Variants in PAPPA2 observed in about 807,000 individuals in gnomAD.
PAPPA2 encodes pappalysin-2.
Under a neutral mutation model 176.4 loss-of-function variants are expected in PAPPA2, and 86 were observed. The ratio of observed to expected loss-of-function variants is 0.49; its 90% CI spans 0.41 to 0.58. The LOEUF is 0.58. Ranked by LOEUF, PAPPA2 falls within the 20% of genes least tolerant of loss-of-function variation. The probability of loss-of-function intolerance (pLI) is 0.00; values close to 1 mark genes in which losing one functional copy is unlikely to be tolerated. For missense variants in PAPPA2, 2,073 were observed against 2,256.9 expected, an observed-to-expected ratio of 0.92 and a Z score of 1.65; for synonymous variants, 809 against 852.2, an observed-to-expected ratio of 0.95 and a Z score of 0.88.
chr1:176,719,239 T>C (rs1414082283), intron 12 of PAPPA2, among the ~76,000 whole-genome samples: 1 of 152,188 alleles, frequency 6.6e-6, no homozygotes, highest in East Asian at 1.9e-4. Flanking sequence ...TTAAATGCTC[T>C]CTTATTTTTA....
intron 14 of PAPPA2, among the ~76,000 whole-genome samples, chr1:176,753,437 C>T (rs1663273768): frequency 6.6e-6 from 1 of 152,138 alleles, no homozygotes; most frequent in South Asian, 2.1e-4. Context: ...TCTTTTCCCT[C>T]CTCTTCCACC....
intron 3 of PAPPA2, among the ~76,000 whole-genome samples, chr1:176,630,222 G>T (rs1229743786): frequency 6.6e-6 from 1 of 152,174 alleles, no homozygotes; most frequent in African/African-American, 2.4e-5. Context: ...ACATCAGATA[G>T]GAAAGTGAAG....
rs1327480899 is a variant in PAPPA2, at chr1:176,595,409, A to G, written c.1805A>G (p.His602Arg). 3 of 1,614,012 alleles carry G rather than the reference A, an allele frequency of 1.9e-6. No homozygotes were observed. Among genetic ancestry groups the G allele is most frequent in the African/African-American group, 1.3e-5 (1 of 74,894 alleles). The change falls in exon 3 of 23, where the codon CAC becomes CGC. Residue 602 changes from histidine (H) to arginine (R), a missense_variant. This residue lies in a region of PAPPA2 where 1,196 missense variants were observed against 1,330.4 expected (regional missense o/e 0.90). Coordinates refer to ENST00000367662, the MANE Select transcript of PAPPA2 (RefSeq NM_020318.3). ...GACCATTGTGACCCCGAGTGTGAGC[A>G]CCCACTCACAGGCTATGATGGGGGT... ...GNDHCDPECE[H>R]PLTGYDGGDC...
intron 10 of PAPPA2, among the ~76,000 whole-genome samples, chr1:176,709,611 C>T (rs1021062580): frequency 1.3e-5 from 2 of 152,144 alleles, no homozygotes; most frequent in Non-Finnish European, 2.9e-5. Context: ...TTCCTTTCTT[C>T]TTTTACCTAC....
At chr1:176,659,550 G>A (rs1353135612) in intron 3 of PAPPA2, among the ~76,000 whole-genome samples, 1 of 152,042 alleles carries the variant, frequency 6.6e-6, no homozygotes, top group Non-Finnish European at 1.5e-5. Context: ...TTCAGGGTTA[G>A]GACTCCAACA....
intron 5 of PAPPA2, chr1:176,691,123 T>G: frequency 1.0e-6 from 1 of 985,304 alleles, no homozygotes; most frequent in Non-Finnish European, 1.2e-6. Context: ...CCTTCCTTGT[T>G]TCTTGTGAAA....
Position 176,592,098 on chromosome 1 carries a change from G to A in PAPPA2, c.920-2426G>A, listed in dbSNP as rs560313630. Among the ~76,000 whole-genome samples the A allele has an allele frequency of 2.0e-4, 31 of 152,330 alleles. No homozygotes were observed. In the South Asian group the frequency reaches 5.8e-3, roughly 28 times the overall value. ...CCACAACTAGAGTTGCTGGCATTGA[G>A]TTAGAGAATTCTATTTGCTAAGTAT... On this transcript the variant is annotated intron_variant, in intron 2 of 22. Transcript: ENST00000367662.
chr1:176,502,565 C>T (rs1648026935), intron 1 of PAPPA2, among the ~76,000 whole-genome samples: 1 of 152,148 alleles, frequency 6.6e-6, no homozygotes, highest in Non-Finnish European at 1.5e-5. Context: ...CAACTAGATA[C>T]TGCATCTGGT....
At chr1:176,512,414 C>T (rs1648660868) in intron 1 of PAPPA2, among the ~76,000 whole-genome samples, 1 of 152,154 alleles carries the variant, frequency 6.6e-6, no homozygotes, top group East Asian at 1.9e-4. Context: ...AAATGAACTA[C>T]TACTAACATA....
chr1:176,501,375 A>G (rs542046218), intron 1 of PAPPA2, among the ~76,000 whole-genome samples: 178 of 152,248 alleles, frequency 1.2e-3, no homozygotes, highest in African/African-American at 4.1e-3. Context: ...AAAATCTGTT[A>G]TTACTACAAA....
rs1353231181 is a variant in PAPPA2, at chr1:176,710,082, G to T, written c.3557G>T (p.Gly1186Val). ...IVDCGIYTPK[G>V]YLDQWATRAY... Reference sequence around the variant, plus strand: ...GACTGTGGCATCTACACTCCCAAAGGATACTTGGATCAATGGGCTACCCGG... The same window carrying T: ...GACTGTGGCATCTACACTCCCAAAGTATACTTGGATCAATGGGCTACCCGG... The change falls in exon 11 of 23, where the codon GGA (glycine) becomes GTA (valine). Residue 1186 changes from glycine (G) to valine (V), a missense_variant. Transcript: ENST00000367662. 1 of 1,613,798 alleles carries T rather than the reference G, an allele frequency of 6.2e-7. No individual in the cohort carries two copies. Among genetic ancestry groups the T allele is most frequent in the Non-Finnish European group, 8.5e-7 (1 of 1,179,768 alleles).
chr1:176,789,779 ATGAGCTATTTT>A lies in PAPPA2; in HGVS notation c.4716-27_4716-17del. The A allele has an allele frequency of 1.9e-6, 3 of 1,587,666 alleles. No homozygotes were observed. Among genetic ancestry groups the A allele is most frequent in the Non-Finnish European group, 2.6e-6 (3 of 1,166,118 alleles). On this transcript the variant is annotated intron_variant, in intron 17 of 22. Transcript: ENST00000367662. ...TTCATGACCTTCTTGAAAGATTCTG[ATGAGCTATTTT>A]TGTTTTATGTTTTATCAGCAAGCTC...
At chr1:176,479,704 T>G (rs1652300832) in intron 1 of PAPPA2, among the ~76,000 whole-genome samples, 1 of 152,210 alleles carries the variant, frequency 6.6e-6, no homozygotes, top group Non-Finnish European at 1.5e-5. Flanking sequence ...TCATCTACAA[T>G]ATTCAGTACT....
At chr1:176,522,534 A>G (rs1470862694) in intron 1 of PAPPA2, among the ~76,000 whole-genome samples, 1 of 152,230 alleles carries the variant, frequency 6.6e-6, no homozygotes, top group Non-Finnish European at 1.5e-5. Context: ...CCCCCAAGAG[A>G]CAATTACGAT....
intron 3 of PAPPA2, among the ~76,000 whole-genome samples, chr1:176,608,239 A>G (rs1050976963): frequency 2.0e-5 from 3 of 152,198 alleles, no homozygotes; most frequent in Non-Finnish European, 2.9e-5. Flanking sequence ...GATATTTGAT[A>G]TTACTGCTTG....
intron 3 of PAPPA2, among the ~76,000 whole-genome samples, chr1:176,608,969 G>A (rs967499954): frequency 4.6e-5 from 7 of 152,192 alleles, no homozygotes; most frequent in African/African-American, 1.4e-4. Context: ...GAAGCCTTAA[G>A]CCATTGAATA....
chr1:176,553,047 G>C (rs1651057656), intron 1 of PAPPA2, among the ~76,000 whole-genome samples: 1 of 152,038 alleles, frequency 6.6e-6, no homozygotes, highest in East Asian at 1.9e-4. Context: ...CTGGCATCGA[G>C]GGTGGGTGCT....
intron 1 of PAPPA2, among the ~76,000 whole-genome samples, chr1:176,496,667 C>T (rs7545056): frequency 0.08 from 12,154 of 152,146 alleles, 604 homozygotes; most frequent in South Asian, 0.16. Context: ...AGAGATGTCC[C>T]TTGTTGTGGT....
chr1:176,751,269 A>T (rs1663162289), intron 14 of PAPPA2, among the ~76,000 whole-genome samples: 1 of 152,012 alleles, frequency 6.6e-6, no homozygotes, highest in South Asian at 2.1e-4. Context: ...TGAAGTCAGG[A>T]CATAGGCGTG....
Sources: gnomAD v4.1 joint callset for allele counts (sites outside exome capture counted in the v4.1 genomes callset) on GRCh38, gnomAD v4.1.1 for gene constraint, gnomAD v4.1.1 regional missense constraint, MANE v1.5 for transcripts, NCBI Gene and HGNC (gene_info 2026-07-23, HGNC 2026-07-21) for gene names.